The following CPT1C variants were observed in gnomAD, a reference collection of about 807,000 sequenced individuals.
CPT1C encodes carnitine palmitoyltransferase 1C.
A neutral mutation model predicts 97.3 loss-of-function variants in CPT1C; 61 were observed. The observed-to-expected ratio is 0.63, with a 90% CI of 0.51 to 0.78. CPT1C has a LOEUF of 0.78. Ranked by LOEUF, CPT1C falls within the 30% of genes least tolerant of loss-of-function variation. The probability of loss-of-function intolerance (pLI) is 0.00; values close to 1 mark genes in which losing one functional copy is unlikely to be tolerated. For missense variants in CPT1C, 975 were observed against 1,065.5 expected (o/e 0.92, Z 1.18); for synonymous variants, 469 against 447.2 (o/e 1.05, Z -0.61).
chr19:49,712,899 G>T, intron 18 of CPT1C, 50 bp downstream of exon 18: 4 of 1,593,442 alleles, frequency 2.5e-6, no homozygotes, highest in Non-Finnish European at 3.4e-6. Flanking sequence ...GGGGCTGGGG[G>T]GCCTGCACTC....
chr19:49,690,700 C>A, upstream of CPT1C: 1 of 505,652 alleles, frequency 2.0e-6, no homozygotes, highest in Non-Finnish European at 3.4e-6. This position sits in a 1 kb window ranked among gnomAD's most constrained non-coding sequence, Gnocchi z 4.4. Context: ...ATCCAACCCG[C>A]TGTGGCGCCT....
chr19:49,707,474 C>A, intron 12 of CPT1C, 44 bp from the exon 13 acceptor site: 1 of 1,425,874 alleles, frequency 7.0e-7, no homozygotes, highest in Non-Finnish European at 9.9e-7. Context: ...CTGAGGTCCC[C>A]GTGCCCCTCG....
chr19:49,705,234 C>A lies in CPT1C; in HGVS notation c.900C>A (p.Arg300=), dbSNP rs990735942. The stretch of plus-strand genomic sequence containing the variant: ...TGCAGACTTTGCTGATGGGAATGCG[C>A]CCCTTATGCTCTGCCCAGTACGAGA... ...EIPPTLLMGM[R]PLCSAQYEKI... Residue 300 remains arginine, a synonymous_variant, in exon 10 of 20, where the codon CGC becomes CGA. Coordinates refer to ENST00000598293, the MANE Select transcript of CPT1C (RefSeq NM_001199753.2). 2.5e-6 allele frequency: 4 copies of A among 1,614,074 alleles called. No individual in the cohort carries two copies. The highest frequency in any genetic ancestry group is 3.4e-6 in the Non-Finnish European group (4 of 1,179,978).
At chr19:49,713,329 C>T in intron 19 of CPT1C, 91 bp from the exon 20 acceptor site, 1 of 1,244,134 alleles carries the variant, frequency 8.0e-7, no homozygotes, top group Non-Finnish European at 1.1e-6. Context: ...CTCCCTCAGA[C>T]TCAGGAATCC....
intron 7 of CPT1C, among the ~76,000 whole-genome samples, chr19:49,703,359 T>TG (rs2083297082): frequency 6.6e-6 from 1 of 150,630 alleles, no homozygotes; most frequent in Admixed American, 6.6e-5. Flanking sequence ...TCTTTTTTTT[T>TG]TTTTTTGTAT....
intron 3 of CPT1C, 92 bp from the exon 4 acceptor site, chr19:49,697,234 C>T (rs1328465920): frequency 6.5e-7 from 1 of 1,533,922 alleles, no homozygotes; most frequent in East Asian, 2.3e-5. Flanking sequence ...CAGGGCTCCG[C>T]ACTGGGTGCT....
chr19:49,701,905 T>A lies in CPT1C; in HGVS notation c.693+271T>A, dbSNP rs866104019. ...ATATATATATTTATTTATAAATATATATATTTATATTTATATACAAATATT... is the reference window on the plus strand; with the variant it reads ...ATATATATATTTATTTATAAATATAAATATTTATATTTATATACAAATATT... On this transcript the variant is annotated intron_variant, in intron 7 of 19. Coordinates refer to ENST00000598293, the MANE Select transcript of CPT1C (RefSeq NM_001199753.2). Among the ~76,000 whole-genome samples the A allele has an allele frequency of 4.9e-4, 56 of 113,792 alleles. 4 individuals carry two copies. In the South Asian group the frequency reaches 5.5e-3, roughly 11 times the overall value. The allele number at this position is 113,792 out of a possible 152,430, so 74.7% of individuals were successfully genotyped here. A position where few individuals can be genotyped will look rare whatever the true frequency, so the allele number is the denominator to read the frequency against.
chr19:49,704,734 G>C lies in CPT1C; in HGVS notation c.718G>C (p.Val240Leu). Residue 240 changes from valine (V) to leucine (L), a missense_variant, in exon 8 of 20, where the codon GTG becomes CTG. Physicochemically the swap from Val to Leu is conservative, Grantham distance 32 (BLOSUM62 1). Coordinates refer to ENST00000598293, the MANE Select transcript of CPT1C (RefSeq NM_001199753.2). ...GGTCAGTGACTGGTGGGAGGAATTT[G>C]TGTACCTGCGCTCCCGAAATCCGCT... ...NYVSDWWEEF[V>L]YLRSRNPLMV... 1 of 1,613,932 alleles carries C rather than the reference G, an allele frequency of 6.2e-7. No individual in the cohort carries two copies. The highest frequency in any genetic ancestry group is 8.5e-7 in the Non-Finnish European group (1 of 1,179,946).
At chr19:49,695,549 T>C (rs1444814576) in intron 3 of CPT1C, among the ~76,000 whole-genome samples, 1 of 147,670 alleles carries the variant, frequency 6.8e-6, no homozygotes, top group African/African-American at 2.5e-5. Context: ...CCTCTCAGAG[T>C]GCTGGGACTA....
At chr19:49,704,852 T>TGTGACGGTCATGCTCA in intron 8 of CPT1C, 65 bp downstream of exon 8, 1 of 1,509,806 alleles carries the variant, frequency 6.6e-7, no homozygotes, top group Non-Finnish European at 9.2e-7. Context: ...CTGGGCGGAA[T>TGTGACGGTCATGCTCA]GTGACGGTCA....
intron 12 of CPT1C, 47 bp from the exon 13 acceptor site, chr19:49,707,471 C>A: frequency 1.5e-6 from 2 of 1,377,398 alleles, no homozygotes; most frequent in South Asian, 1.2e-5. Context: ...ACTCTGAGGT[C>A]CCCGTGCCCC....
chr19:49,700,209 A>T (rs977175174), intron 4 of CPT1C, among the ~76,000 whole-genome samples: 8 of 147,418 alleles, frequency 5.4e-5, no homozygotes, highest in Admixed American at 2.7e-4. Flanking sequence ...ATAGCACCAC[A>T]GCACTCCAGC....
rs1160155599 is a variant in CPT1C, at chr19:49,705,942, T to C, written c.998T>C (p.Val333Ala). Residue 333 changes from valine (V) to alanine (A), a missense_variant, in exon 11 of 20, where the codon GTG (valine) becomes GCG (alanine). Val to Ala is a moderately conservative substitution (Grantham distance 64, BLOSUM62 0). Around this residue, in one of 3 missense-constraint regions of CPT1C, gnomAD observed 596 missense variants for 603.1 expected, o/e 0.99. Coordinates refer to ENST00000598293, the MANE Select transcript of CPT1C (RefSeq NM_001199753.2). Reference sequence around the variant, plus strand: ...CGCCACCTCCATGACAGCCAACACGTGGCTGTCTTCCACCGGGGCCGATTC... The same window carrying C: ...CGCCACCTCCATGACAGCCAACACGCGGCTGTCTTCCACCGGGGCCGATTC... ...YIRHLHDSQHVAVFHRGRFFR... is the reference protein window; with the variant it reads ...YIRHLHDSQHAAVFHRGRFFR... 1 of 1,613,828 alleles carries C rather than the reference T, an allele frequency of 6.2e-7. No homozygotes were observed. Among genetic ancestry groups the C allele is most frequent in the Admixed American group, 1.7e-5 (1 of 59,994 alleles).
rs140783209 is a variant in CPT1C at position 49,705,686 on chromosome 19, G to A, written c.965-223G>A. On this transcript the variant is annotated intron_variant, in intron 10 of 19. Transcript: ENST00000598293. ...GAAGTGGAAGGATCACCTGAGCCCCGGAGGTTGAGGCTGCAGTGAGCTGAG... is the reference window on the plus strand; with the variant it reads ...GAAGTGGAAGGATCACCTGAGCCCCAGAGGTTGAGGCTGCAGTGAGCTGAG... 4.4e-3 allele frequency among the ~76,000 whole-genome samples: 677 copies of A among 152,172 alleles called. 8 individuals are homozygous for A. The highest frequency in any genetic ancestry group is 0.015 in the African/African-American group (642 of 41,504).
chr19:49,703,593 C>CT (rs1368610312), intron 7 of CPT1C, among the ~76,000 whole-genome samples: 8,842 of 101,876 alleles, frequency 0.087, 736 homozygotes, highest in Non-Finnish European at 0.13. Flanking sequence ...CCCTCCCTCC[C>CT]TCCCTTCCTT....
chr19:49,705,914 A>G lies in CPT1C; in HGVS notation c.970A>G (p.Ile324Val). 6.2e-7 allele frequency: 1 copy of G among 1,612,956 alleles called. No individual in the cohort carries two copies. The highest frequency in any genetic ancestry group is 1.7e-5 in the Admixed American group (1 of 59,842). The change falls in exon 11 of 20, where the codon ATC becomes GTC. Residue 324 changes from isoleucine to valine, a missense_variant. Physicochemically the swap from Ile to Val is conservative, Grantham distance 29. This residue lies in a region of CPT1C where 596 missense variants were observed against 603.1 expected (regional missense o/e 0.99). Transcript: ENST00000598293. ...TCTGCCAACGCCACCCCTAGACTAC[A>G]TCCGCCACCTCCATGACAGCCAACA... ...TRIPGVQKDY[I>V]RHLHDSQHVA...
At position 49,701,725 on chromosome 19, in the gene CPT1C, C is replaced by A. The variant is rs879164065; in HGVS notation, c.693+91C>A. On this transcript the variant is annotated intron_variant, in intron 7 of 19. Transcript: ENST00000598293. Reference sequence around the variant, plus strand: ...CTTGCGAGTTATACGCCCTGCCCCACGACACGCCCACAACCCACACGCCCC... The same window carrying A: ...CTTGCGAGTTATACGCCCTGCCCCAAGACACGCCCACAACCCACACGCCCC... 6 of 1,412,114 alleles carry A rather than the reference C, an allele frequency of 4.2e-6. No individual in the cohort carries two copies. In the African/African-American group the frequency reaches 5.8e-5, roughly 14 times the overall value. 87.5% of individuals were successfully genotyped at this position (1,412,114 alleles called of 1,614,324 possible).
At chr19:49,697,139 T>G (rs1383722613) in intron 3 of CPT1C, among the ~76,000 whole-genome samples, 187 bp from the exon 4 acceptor site, 1 of 152,198 alleles carries the variant, frequency 6.6e-6, no homozygotes, top group Non-Finnish European at 1.5e-5. Flanking sequence ...CCTATAGCAA[T>G]TAATACTTAC....
chr19:49,699,453 T>C (rs1336752678), intron 4 of CPT1C, among the ~76,000 whole-genome samples: 2 of 59,218 alleles, frequency 3.4e-5, no homozygotes, highest in African/African-American at 1.4e-4. Flanking sequence ...GAGACCCCTG[T>C]CTCTAAAAAA....
Sources: gnomAD v4.1 joint callset for allele counts (sites outside exome capture counted in the v4.1 genomes callset) on GRCh38, gnomAD v4.1.1 for gene constraint, gnomAD v4.1.1 regional missense constraint, Gnocchi (gnomAD v3.1) non-coding constraint, MANE v1.5 for transcripts, NCBI Gene and HGNC (gene_info 2026-07-23, HGNC 2026-07-21) for gene names.